Variants in GLIS3 observed in about 807,000 individuals in gnomAD.
GLIS3 encodes zinc finger protein GLIS3.
A neutral mutation model predicts 78.6 loss-of-function variants in GLIS3; 53 were observed. That is an observed-to-expected ratio of 0.67 (90% CI 0.54 to 0.85). GLIS3 has a LOEUF of 0.85. Among genes scored for constraint, GLIS3 ranks in the 40% least tolerant of loss-of-function variants. The pLI is 0.00. For missense variants in GLIS3, 1,703 were observed against 1,231.1 expected (o/e 1.38, Z -5.74); for synonymous variants, 684 against 509.9 (o/e 1.34, Z -4.60).
chr9:4,212,984 C>T (rs78192361), intron 2 of GLIS3, among the ~76,000 whole-genome samples: 5,123 of 152,214 alleles, frequency 0.034, 293 homozygotes, highest in African/African-American at 0.11. Flanking sequence ...CAGGAAGACC[C>T]GTTCATTAGG....
the GLIS3 span, among the ~76,000 whole-genome samples, chr9:4,462,594 A>AAC: frequency 0.054 from 7,836 of 144,976 alleles, 240 homozygotes; most frequent in African/African-American, 0.091. Context: ...CCATCTCTAT[A>AAC]ACACACACAC....
intron 2 of GLIS3, among the ~76,000 whole-genome samples, chr9:4,328,331 T>C (rs903114805): frequency 1.3e-5 from 2 of 152,100 alleles, no homozygotes; most frequent in African/African-American, 2.4e-5. Context: ...GAAGTTCCAG[T>C]TGAACAAAAC....
At chr9:4,372,003 C>G in the GLIS3 span, among the ~76,000 whole-genome samples, 1 of 152,192 alleles carries the variant, frequency 6.6e-6, no homozygotes, top group Admixed American at 6.5e-5. Context: ...TCTGGTCCAG[C>G]CTCCATGAAT....
chr9:4,340,897 T>A (rs1201133208), intron 2 of GLIS3, among the ~76,000 whole-genome samples: 1 of 152,158 alleles, frequency 6.6e-6, no homozygotes, highest in African/African-American at 2.4e-5. Flanking sequence ...GGTTTCGCCA[T>A]GTTGGCCAGG....
At chr9:4,028,675 C>T (rs910415574) in intron 4 of GLIS3, among the ~76,000 whole-genome samples, 1 of 152,038 alleles carries the variant, frequency 6.6e-6, no homozygotes, top group Admixed American at 6.6e-5. Context: ...TTAACTGAAT[C>T]CCAACACTAT....
intron 7 of GLIS3, among the ~76,000 whole-genome samples, chr9:3,897,885 A>G (rs1389975008): frequency 1.3e-5 from 2 of 152,218 alleles, no homozygotes; most frequent in African/African-American, 4.8e-5. Flanking sequence ...GGGTGGGGGT[A>G]GTATCTGCAA....
At chr9:4,272,398 C>T (rs998101539) in intron 2 of GLIS3, among the ~76,000 whole-genome samples, 3 of 151,944 alleles carry the variant, frequency 2.0e-5, no homozygotes, top group African/African-American at 7.3e-5. Flanking sequence ...CAATCTCTGC[C>T]AAAAAACAAA....
chr9:4,249,323 G>A (rs932434923), intron 2 of GLIS3, among the ~76,000 whole-genome samples: 5 of 152,122 alleles, frequency 3.3e-5, no homozygotes, highest in African/African-American at 1.2e-4. Context: ...AGTTCTCTTT[G>A]AAGAGATCCT....
intron 2 of GLIS3, among the ~76,000 whole-genome samples, chr9:4,194,044 TTTTA>T (rs560947840): frequency 1.3e-5 from 2 of 152,270 alleles, no homozygotes. Flanking sequence ...GCCGCTTTAT[TTTTA>T]TTTATTTATT....
At chr9:4,043,035 T>C (rs1824954238) in intron 4 of GLIS3, among the ~76,000 whole-genome samples, 1 of 151,990 alleles carries the variant, frequency 6.6e-6, no homozygotes, top group Non-Finnish European at 1.5e-5. Context: ...TGGCTATTCT[T>C]CTACTAAGAA....
the GLIS3 span, among the ~76,000 whole-genome samples, chr9:4,419,232 T>C: frequency 2.0e-5 from 3 of 152,218 alleles, no homozygotes; most frequent in African/African-American, 7.2e-5. Flanking sequence ...CTCATCTGGG[T>C]TGAACAGCTG....
chr9:3,915,878 T>C (rs962332406), intron 6 of GLIS3, among the ~76,000 whole-genome samples: 1 of 152,080 alleles, frequency 6.6e-6, no homozygotes, highest in African/African-American at 2.4e-5. Flanking sequence ...GAAGGAAAAA[T>C]GCCATAAAAA....
chr9:4,362,996 AAAGAG>A, the GLIS3 span, among the ~76,000 whole-genome samples: 309 of 152,288 alleles, frequency 2.0e-3, no homozygotes, highest in African/African-American at 6.9e-3. Context: ...AAAGAGAGGA[AAAGAG>A]AAGAGAGGAG....
intron 4 of GLIS3, among the ~76,000 whole-genome samples, chr9:4,306,671 A>G (rs1563926950): frequency 2.0e-5 from 3 of 152,220 alleles, no homozygotes; most frequent in African/African-American, 7.2e-5. Flanking sequence ...ATCATAGAGA[A>G]ATGTCTGCCC....
intron 6 of GLIS3, among the ~76,000 whole-genome samples, chr9:3,902,492 A>G (rs901305976): frequency 1.3e-5 from 2 of 152,232 alleles, no homozygotes; most frequent in East Asian, 3.8e-4. Context: ...AAAAAACTGC[A>G]TAATGTATAT....
At chr9:3,883,534 A>T (rs1328936550) in intron 7 of GLIS3, among the ~76,000 whole-genome samples, 2 of 152,214 alleles carry the variant, frequency 1.3e-5, no homozygotes, top group African/African-American at 4.8e-5. Context: ...CACATTCAAA[A>T]TAATTTTCCA....
At chr9:4,000,974 C>T (rs988011886) in intron 4 of GLIS3, among the ~76,000 whole-genome samples, 23 of 152,170 alleles carry the variant, frequency 1.5e-4, no homozygotes, top group Admixed American at 3.3e-4. Flanking sequence ...TATATTGTCT[C>T]CCCTCCTTTG....
intron 7 of GLIS3, among the ~76,000 whole-genome samples, chr9:3,893,712 G>T (rs983316780): frequency 6.6e-6 from 1 of 152,160 alleles, no homozygotes; most frequent in Non-Finnish European, 1.5e-5. Flanking sequence ...GCAGCACCTG[G>T]ACCAGCAGCA....
intron 4 of GLIS3, among the ~76,000 whole-genome samples, chr9:4,023,305 C>A (rs527238728): frequency 6.6e-6 from 1 of 152,148 alleles, no homozygotes; most frequent in Admixed American, 6.5e-5. Flanking sequence ...GTACCCAACA[C>A]AGCATTAGGC....
Sources: allele counts gnomAD v4.1 joint callset (sites outside exome capture counted in the v4.1 genomes callset), GRCh38; gene constraint gnomAD v4.1.1; transcripts MANE v1.5; gene names NCBI Gene and HGNC (gene_info 2026-07-23, HGNC 2026-07-21).